Variants in LY96 observed in about 807,000 individuals in gnomAD.
LY96 encodes the protein myeloid differentiation protein-2.
LY96 carries 18 observed loss-of-function variants against 18.9 expected under a neutral mutation model. The observed-to-expected ratio is 0.95, with a 90% CI of 0.66 to 1.41. The LOEUF is 1.41. Among genes scored for constraint, LY96 ranks in the 40% most tolerant of loss-of-function variants. The pLI, the probability that LY96 is intolerant of heterozygous loss-of-function variation, is 0.00. For synonymous variants in LY96, 66 were observed against 62.6 expected, an observed-to-expected ratio of 1.06 and a Z score of -0.26; for missense variants, 175 against 182.4, an observed-to-expected ratio of 0.96 and a Z score of 0.23.
intron 1 of LY96, among the ~76,000 whole-genome samples, chr8:73,999,725 C>T (rs1228554816): frequency 6.6e-6 from 1 of 152,020 alleles, no homozygotes; most frequent in African/African-American, 2.4e-5. Flanking sequence ...TGCTATATTG[C>T]CCAGGCTAGT....
the LY96 span, among the ~76,000 whole-genome samples, chr8:74,063,420 T>A: frequency 6.6e-6 from 1 of 152,314 alleles, no homozygotes; most frequent in East Asian, 1.9e-4. Context: ...TTAAAAACAA[T>A]CACCTATATA....
chr8:74,081,577 A>G, the LY96 span, among the ~76,000 whole-genome samples: 1 of 151,564 alleles, frequency 6.6e-6, no homozygotes, highest in East Asian at 1.9e-4. Flanking sequence ...AATTTTTAGT[A>G]GGGATGAGGT....
chr8:74,029,116 A>G (rs1056627594), downstream of LY96: 47 of 948,700 alleles, frequency 5.0e-5, no homozygotes, highest in Admixed American at 1.7e-4. Context: ...GGTACCCAGG[A>G]TTTGTTTTAA....
chr8:74,051,072 G>A, the LY96 span, among the ~76,000 whole-genome samples: 1 of 152,170 alleles, frequency 6.6e-6, no homozygotes, highest in African/African-American at 2.4e-5. Flanking sequence ...AGTAATAGAG[G>A]AAAGAAGATG....
At chr8:74,078,396 G>T in the LY96 span, among the ~76,000 whole-genome samples, 3 of 152,154 alleles carry the variant, frequency 2.0e-5, no homozygotes, top group African/African-American at 7.2e-5. Context: ...GCATTTTTGA[G>T]AGCATCCAGA....
At chr8:74,079,113 A>T in the LY96 span, among the ~76,000 whole-genome samples, 376 of 152,324 alleles carry the variant, frequency 2.5e-3, no homozygotes, top group Middle Eastern at 0.02. Context: ...GGCATCATCC[A>T]ATCTGTTGAA....
intron 3 of LY96, among the ~76,000 whole-genome samples, chr8:74,014,474 G>C (rs1280783634): frequency 7.2e-6 from 1 of 139,294 alleles, no homozygotes; most frequent in Non-Finnish European, 1.5e-5. Context: ...GTGTACAAAA[G>C]AACAGGCAGG....
the LY96 span, among the ~76,000 whole-genome samples, chr8:74,054,078 A>T: frequency 5.9e-5 from 9 of 152,182 alleles, no homozygotes; most frequent in Non-Finnish European, 1.3e-4. Context: ...TCCAGGCTAG[A>T]GTACAGTGCT....
the LY96 span, among the ~76,000 whole-genome samples, chr8:74,085,882 G>A: frequency 1.3e-5 from 2 of 152,166 alleles, no homozygotes; most frequent in Non-Finnish European, 2.9e-5. Context: ...TACCATTTGT[G>A]TGTGTGTGTG....
chr8:74,012,999 C>T lies in LY96; in HGVS notation c.331+2870C>T, dbSNP rs140873655. The stretch of plus-strand genomic sequence containing the variant: ...GATCTTATCTTGTGGCTCTGTCACC[C>T]AGATTAGAGTGCAGTGGTGCAACCA... On this transcript the variant is annotated intron_variant, in intron 3 of 4. Coordinates refer to ENST00000284818, the MANE Select transcript of LY96 (RefSeq NM_015364.5). Among the ~76,000 whole-genome samples, 420 of 152,100 alleles carry T rather than the reference C, an allele frequency of 2.8e-3. 1 individual carries two copies. Among genetic ancestry groups the T allele is most frequent in the African/African-American group, 6.9e-3 (287 of 41,474 alleles).
chr8:74,061,790 A>G, the LY96 span, among the ~76,000 whole-genome samples: 1 of 152,226 alleles, frequency 6.6e-6, no homozygotes, highest in Non-Finnish European at 1.5e-5. Context: ...GGTTGCCCCA[A>G]TTTATACCAC....
intron 1 of LY96, among the ~76,000 whole-genome samples, chr8:73,996,293 A>T (rs1318058747): frequency 1.3e-5 from 2 of 151,670 alleles, no homozygotes; most frequent in East Asian, 3.9e-4. Flanking sequence ...ATGAGCCACC[A>T]CGCTAGGCCT....
At chr8:74,070,152 C>T in the LY96 span, among the ~76,000 whole-genome samples, 18 of 150,418 alleles carry the variant, frequency 1.2e-4, no homozygotes, top group African/African-American at 3.2e-4. Flanking sequence ...AGTGCAGTGG[C>T]GCGATCTCGG....
chr8:74,000,858 G>T (rs866608295), intron 1 of LY96, among the ~76,000 whole-genome samples: 1 of 152,204 alleles, frequency 6.6e-6, no homozygotes, highest in South Asian at 2.1e-4. Flanking sequence ...ATGGCAGAAG[G>T]GCAGAAGGCC....
the LY96 span, among the ~76,000 whole-genome samples, chr8:74,066,964 T>C: frequency 3.1e-4 from 47 of 152,334 alleles, no homozygotes; most frequent in African/African-American, 9.6e-4. Flanking sequence ...GAACAGTGGC[T>C]ACAGGGGCTC....
chr8:74,002,030 C>T (rs191044151), intron 1 of LY96, among the ~76,000 whole-genome samples: 858 of 22,042 alleles, frequency 0.039, no homozygotes, highest in African/African-American at 0.053. Context: ...TTCCTTCCTT[C>T]CTTCCTTCCT....
At chr8:74,040,957 G>A in the LY96 span, among the ~76,000 whole-genome samples, 1 of 151,802 alleles carries the variant, frequency 6.6e-6, no homozygotes, top group Non-Finnish European at 1.5e-5. Context: ...CCACCTTCTT[G>A]CAACTTTTCT....
chr8:74,067,319 C>T, the LY96 span, among the ~76,000 whole-genome samples: 450 of 152,272 alleles, frequency 3.0e-3, 4 homozygotes, highest in Admixed American at 0.017. Context: ...GTAGCCTCAA[C>T]CTCCTGGGCT....
intron 3 of LY96, among the ~76,000 whole-genome samples, chr8:74,016,108 C>A (rs576270845): frequency 6.6e-5 from 10 of 152,198 alleles, no homozygotes; most frequent in Non-Finnish European, 8.8e-5. Context: ...CCTTTCCTAG[C>A]CAAAGGAAGC....
Sources: allele counts gnomAD v4.1 joint callset (sites outside exome capture counted in the v4.1 genomes callset), GRCh38; gene constraint gnomAD v4.1.1; transcripts MANE v1.5; gene names NCBI Gene and HGNC (gene_info 2026-07-23, HGNC 2026-07-21).